The following SLC8A1 variants were observed in gnomAD, a reference collection of about 807,000 sequenced individuals.
SLC8A1 encodes the protein sodium/calcium exchanger 1.
In SLC8A1, 18 loss-of-function variants were observed where a neutral mutation model predicts 68.3. The observed-to-expected ratio is 0.26, with a 90% CI of 0.18 to 0.39. The LOEUF is 0.39. Ranked by LOEUF, SLC8A1 falls within the 10% of genes least tolerant of loss-of-function variation. The pLI is 1.00. For missense variants in SLC8A1, 985 were observed against 1,156.7 expected (o/e 0.85, Z 2.15); for synonymous variants, 475 against 415.5 (o/e 1.14, Z -1.74).
chr2:40,253,818 CTCTG>C (rs200816387), intron 2 of SLC8A1, among the ~76,000 whole-genome samples: 15,384 of 110,436 alleles, frequency 0.14, 1,339 homozygotes, highest in Middle Eastern at 0.28. Flanking sequence ...CAGAGCCAAA[CTCTG>C]TCTGTCTCCA....
chr2:40,188,045 T>C (rs1450691331), intron 2 of SLC8A1, among the ~76,000 whole-genome samples: 2 of 152,098 alleles, frequency 1.3e-5, no homozygotes, highest in Non-Finnish European at 2.9e-5. Context: ...TCAGTGAAAA[T>C]TAAAGTGGAT....
At position 40,407,791 on chromosome 2, in the gene SLC8A1, T is replaced by C. The variant is rs138335630; in HGVS notation, c.1808+20682A>G. Among the ~76,000 whole-genome samples the C allele has an allele frequency of 4.6e-5, 7 of 152,336 alleles. No individual in the cohort carries two copies. The East Asian group carries it at 1.4e-3, about 29-fold the overall frequency. ...ATACTTGACCTTCCTAACCTTTTCT[T>C]GGAAGGACCCTTCAGGTAAAGGAGA... is the stretch of plus-strand genomic sequence containing the variant. On this transcript the variant is annotated intron_variant, in intron 2 of 7. Transcript: ENST00000406785.
chr2:40,223,522 A>T (rs2058609706), intron 2 of SLC8A1: 2 of 152,190 alleles, frequency 1.3e-5, no homozygotes, highest in African/African-American at 2.4e-5. Flanking sequence ...TATATTAAAA[A>T]AAAGTCTGAG....
At chr2:40,172,897 G>T (rs771713256) in intron 4 of SLC8A1, among the ~76,000 whole-genome samples, 4 of 152,078 alleles carry the variant, frequency 2.6e-5, no homozygotes, top group Non-Finnish European at 5.9e-5. Flanking sequence ...AGCCGAGATC[G>T]CGCCACTGTA....
chr2:40,397,093 C>T (rs937324710), intron 2 of SLC8A1, among the ~76,000 whole-genome samples: 1 of 152,036 alleles, frequency 6.6e-6, no homozygotes, highest in African/African-American at 2.4e-5. Flanking sequence ...TTTTATTGAA[C>T]AGAAAAAAGG....
chr2:40,478,375 C>T (rs1389124760), intron 1 of SLC8A1, among the ~76,000 whole-genome samples: 1 of 152,204 alleles, frequency 6.6e-6, no homozygotes. Flanking sequence ...CTTTTGTGTC[C>T]TGTTTGCAGG....
chr2:40,342,188 G>A (rs1181125086), intron 2 of SLC8A1, among the ~76,000 whole-genome samples: 4 of 152,060 alleles, frequency 2.6e-5, no homozygotes, highest in East Asian at 1.9e-4. Flanking sequence ...AAGGGTTTTA[G>A]TTTATGGCCC....
intron 1 of SLC8A1, among the ~76,000 whole-genome samples, chr2:40,441,684 T>C (rs1173031979): frequency 6.6e-6 from 1 of 152,088 alleles, no homozygotes; most frequent in Non-Finnish European, 1.5e-5. Flanking sequence ...CCCTACTTAA[T>C]AAATGGTGCT....
chr2:40,288,221 A>T (rs1040340042), intron 2 of SLC8A1, among the ~76,000 whole-genome samples: 26 of 152,182 alleles, frequency 1.7e-4, no homozygotes, highest in Non-Finnish European at 3.5e-4. Context: ...CTAGGATTTC[A>T]CACATATGAC....
chr2:40,261,006 G>A (rs560963241), intron 2 of SLC8A1, among the ~76,000 whole-genome samples: 6 of 152,322 alleles, frequency 3.9e-5, no homozygotes, highest in Admixed American at 3.9e-4. Flanking sequence ...AAGGGAGAGA[G>A]ACAGAAGGAC....
In SLC8A1 at chr2:40,460,061, C is replaced by T. The variant is rs138330553; in HGVS notation, c.-24-29757G>A. On this transcript the variant is annotated intron_variant, in intron 1 of 7. Transcript: ENST00000402441. ...TGTTTTATTTGCAGAGTCTTGTATA[C>T]TTCTTTTCACGTCTACTTGGAGACT... 4.2e-3 allele frequency among the ~76,000 whole-genome samples: 642 copies of T among 152,254 alleles called. 4 individuals are homozygous for T. The highest frequency in any genetic ancestry group is 0.015 in the African/African-American group (611 of 41,534).
chr2:40,466,347 C>G (rs1251988072), intron 1 of SLC8A1, among the ~76,000 whole-genome samples: 1 of 152,064 alleles, frequency 6.6e-6, no homozygotes, highest in African/African-American at 2.4e-5. Flanking sequence ...TTTTGTGGAA[C>G]GATATACCCG....
intron 2 of SLC8A1, among the ~76,000 whole-genome samples, chr2:40,290,658 A>G (rs1464582420): frequency 6.6e-6 from 1 of 152,176 alleles, no homozygotes; most frequent in Non-Finnish European, 1.5e-5. Context: ...CAGAAAACAA[A>G]AAGTATTTTA....
At chr2:40,339,080 T>C (rs1666909030) in intron 2 of SLC8A1, among the ~76,000 whole-genome samples, 1 of 152,188 alleles carries the variant, frequency 6.6e-6, no homozygotes, top group Non-Finnish European at 1.5e-5. Context: ...CTAGGATCTG[T>C]CTGATTTTCA....
intron 2 of SLC8A1, among the ~76,000 whole-genome samples, chr2:40,355,270 G>T (rs1267321497): frequency 1.3e-5 from 2 of 152,088 alleles, no homozygotes; most frequent in African/African-American, 4.8e-5. Flanking sequence ...ATGATTTTTT[G>T]ATTCTGACAA....
intron 1 of SLC8A1, among the ~76,000 whole-genome samples, chr2:40,490,232 G>C (rs1178888420): frequency 6.6e-6 from 1 of 152,130 alleles, no homozygotes; most frequent in African/African-American, 2.4e-5. Context: ...TGACTTTGAA[G>C]CATGTCACTC....
intron 1 of SLC8A1, among the ~76,000 whole-genome samples, chr2:40,471,368 C>T (rs1367221788): frequency 1.3e-5 from 2 of 151,988 alleles, no homozygotes; most frequent in African/African-American, 2.4e-5. Flanking sequence ...ACCTGACAAG[C>T]CTGTGTGACA....
At chr2:40,345,427 C>G (rs956155789) in intron 2 of SLC8A1, among the ~76,000 whole-genome samples, 2 of 151,926 alleles carry the variant, frequency 1.3e-5, no homozygotes, top group South Asian at 4.2e-4. Context: ...TCAGAAGATT[C>G]ATGTGAGCAA....
chr2:40,447,612 A>C (rs1371822554), intron 1 of SLC8A1, among the ~76,000 whole-genome samples: 2 of 151,388 alleles, frequency 1.3e-5, no homozygotes, highest in East Asian at 3.9e-4. Flanking sequence ...AAAAAAAGAA[A>C]GAACATATGC....
Sources: gnomAD v4.1 joint callset for allele counts (sites outside exome capture counted in the v4.1 genomes callset) on GRCh38, gnomAD v4.1.1 for gene constraint, MANE v1.5 for transcripts, NCBI Gene and HGNC (gene_info 2026-07-23, HGNC 2026-07-21) for gene names.